The following SLC39A11 variants were observed in gnomAD, a reference collection of about 807,000 sequenced individuals.
The protein encoded by SLC39A11 is solute carrier family 39 member 11.
Under a neutral mutation model 36.1 loss-of-function variants are expected in SLC39A11, and 33 were observed. The observed-to-expected ratio is 0.91, with a 90% CI of 0.69 to 1.22. SLC39A11 has a LOEUF of 1.22. SLC39A11 is among the 50% of genes most tolerant of loss of function. The probability of loss-of-function intolerance (pLI) is 0.00; values close to 1 mark genes in which losing one functional copy is unlikely to be tolerated. For synonymous variants in SLC39A11, 166 were observed against 170.3 expected, an observed-to-expected ratio of 0.97 and a Z score of 0.20; for missense variants, 432 against 430.3, an observed-to-expected ratio of 1.00 and a Z score of -0.03.
At chr17:72,940,154 G>A (rs1416064967) in intron 5 of SLC39A11, among the ~76,000 whole-genome samples, 1 of 152,182 alleles carries the variant, frequency 6.6e-6, no homozygotes, top group Non-Finnish European at 1.5e-5. Context: ...AGTTAACTGA[G>A]CCGACTGTTT....
chr17:72,875,602 A>C (rs2080862044), intron 5 of SLC39A11, among the ~76,000 whole-genome samples: 1 of 152,214 alleles, frequency 6.6e-6, no homozygotes, highest in African/African-American at 2.4e-5. Context: ...GTGCATGTTT[A>C]TGCGTGTGTC....
intron 7 of SLC39A11, among the ~76,000 whole-genome samples, chr17:72,697,820 G>A (rs777995204): frequency 1.3e-5 from 2 of 151,024 alleles, no homozygotes; most frequent in African/African-American, 2.4e-5. Flanking sequence ...CTCGCCACGT[G>A]GATGGGCTCA....
chr17:72,675,299 C>T (rs900037974), intron 7 of SLC39A11, among the ~76,000 whole-genome samples: 1 of 152,140 alleles, frequency 6.6e-6, no homozygotes, highest in Admixed American at 6.5e-5. Context: ...AGTTCTTCCA[C>T]TATGTGAGGC....
chr17:73,010,828 C>A (rs568497080), intron 4 of SLC39A11, among the ~76,000 whole-genome samples: 20 of 152,336 alleles, frequency 1.3e-4, no homozygotes, highest in Admixed American at 1.2e-3. Context: ...CGGTCAATTG[C>A]AACGGGCATG....
intron 7 of SLC39A11, among the ~76,000 whole-genome samples, chr17:72,730,235 A>C (rs555145220): frequency 1.3e-5 from 2 of 152,260 alleles, no homozygotes; most frequent in African/African-American, 4.8e-5. Context: ...TTTTTCCTTT[A>C]AACAGTTCGA....
chr17:73,079,127 T>G (rs2060429766), intron 3 of SLC39A11, among the ~76,000 whole-genome samples: 2 of 152,246 alleles, frequency 1.3e-5, no homozygotes, highest in African/African-American at 4.8e-5. Context: ...GAAGTCTCAC[T>G]CTATTGCCCA....
At chr17:72,934,643 G>A (rs1400975082) in intron 5 of SLC39A11, among the ~76,000 whole-genome samples, 3 of 152,010 alleles carry the variant, frequency 2.0e-5, no homozygotes, top group Non-Finnish European at 4.4e-5. Context: ...TCCAGCCTGG[G>A]CAACAGAGCC....
chr17:72,889,696 CT>C lies in SLC39A11; in HGVS notation c.431-39893del, dbSNP rs1396345422. ...AATTTTCAACAGCACATAATTTTTA[CT>C]TCCATCTAAATTAAGATTTGGCTGT... On this transcript the variant is annotated intron_variant, in intron 5 of 9. Coordinates refer to ENST00000255559, the MANE Select transcript of SLC39A11 (RefSeq NM_139177.4). Among the ~76,000 whole-genome samples the C allele has an allele frequency of 4.6e-5, 7 of 152,308 alleles. No homozygotes were observed. In the East Asian group the frequency reaches 1.3e-3, roughly 29 times the overall value.
At chr17:72,659,886 C>A (rs981340114) in intron 7 of SLC39A11, among the ~76,000 whole-genome samples, 2 of 152,128 alleles carry the variant, frequency 1.3e-5, no homozygotes, top group African/African-American at 4.8e-5. Flanking sequence ...CAGGCTTGAG[C>A]CACCATGGCT....
intron 4 of SLC39A11, among the ~76,000 whole-genome samples, chr17:72,959,714 G>GA (rs1448752918): frequency 1.3e-5 from 2 of 151,822 alleles, no homozygotes; most frequent in Non-Finnish European, 2.9e-5. Flanking sequence ...ATAACCTATG[G>GA]AAAAAAATTT....
intron 5 of SLC39A11, among the ~76,000 whole-genome samples, chr17:72,919,564 CG>C (rs570661125): frequency 6.7e-6 from 1 of 148,226 alleles, no homozygotes; most frequent in Non-Finnish European, 1.5e-5. Flanking sequence ...CCCAGCTACT[CG>C]GGGGGCTGAG....
chr17:72,723,912 T>C (rs1045350174), intron 7 of SLC39A11, among the ~76,000 whole-genome samples: 3 of 152,136 alleles, frequency 2.0e-5, no homozygotes, highest in Admixed American at 2.0e-4. Context: ...AATCACCAGG[T>C]TTCCAGGTAA....
chr17:73,005,719 C>A (rs528170303), intron 4 of SLC39A11, among the ~76,000 whole-genome samples: 1 of 152,304 alleles, frequency 6.6e-6, no homozygotes, highest in African/African-American at 2.4e-5. Context: ...AAGGCCAAGG[C>A]AAGCGGATCA....
At chr17:72,873,732 C>A (rs1232812569) in intron 5 of SLC39A11, among the ~76,000 whole-genome samples, 1 of 152,192 alleles carries the variant, frequency 6.6e-6, no homozygotes, top group Non-Finnish European at 1.5e-5. Flanking sequence ...ATTCTGCCTT[C>A]CTCCTTTAGC....
At chr17:72,993,211 A>G (rs190245757) in intron 4 of SLC39A11, among the ~76,000 whole-genome samples, 71 of 152,308 alleles carry the variant, frequency 4.7e-4, no homozygotes, top group Non-Finnish European at 8.7e-4. Flanking sequence ...AATTTCCTAC[A>G]AGGGTAGGAA....
At chr17:72,814,711 T>C (rs983214584) in intron 6 of SLC39A11, among the ~76,000 whole-genome samples, 1 of 152,182 alleles carries the variant, frequency 6.6e-6, no homozygotes, top group African/African-American at 2.4e-5. Flanking sequence ...CTGATTCTAA[T>C]AGCATCTGTG....
chr17:72,927,915 T>C (rs1445208546), intron 5 of SLC39A11, among the ~76,000 whole-genome samples: 1 of 152,130 alleles, frequency 6.6e-6, no homozygotes, highest in Non-Finnish European at 1.5e-5. Context: ...AGGGAACATT[T>C]GTAGTATCAT....
chr17:72,898,645 A>T (rs1042035403), intron 5 of SLC39A11, among the ~76,000 whole-genome samples: 7 of 152,282 alleles, frequency 4.6e-5, no homozygotes, highest in Admixed American at 6.5e-5. Flanking sequence ...CACAGTGCAT[A>T]CATGGGCATG....
At chr17:72,936,390 AG>A (rs1469203714) in intron 5 of SLC39A11, among the ~76,000 whole-genome samples, 2 of 127,906 alleles carry the variant, frequency 1.6e-5, no homozygotes, top group African/African-American at 5.7e-5. Context: ...AGGTTATGGC[AG>A]TATCTCATCT....
Sources: gnomAD v4.1 joint callset for allele counts (sites outside exome capture counted in the v4.1 genomes callset) on GRCh38, gnomAD v4.1.1 for gene constraint, MANE v1.5 for transcripts, NCBI Gene and HGNC (gene_info 2026-07-23, HGNC 2026-07-21) for gene names.